The following CALN1 variants were observed in gnomAD, a reference collection of about 807,000 sequenced individuals.
CALN1 encodes the protein calcium-binding protein 8.
In CALN1, 17 loss-of-function variants were observed where a neutral mutation model predicts 30.6. The observed-to-expected ratio is 0.56, with a 90% CI of 0.38 to 0.83. The LOEUF (loss-of-function observed/expected upper bound fraction) is 0.83. CALN1 is among the 40% of genes least tolerant of loss of function. The pLI is 0.00. For missense variants in CALN1, 291 were observed against 354.9 expected, an observed-to-expected ratio of 0.82 and a Z score of 1.45; for synonymous variants, 156 against 131.4, an observed-to-expected ratio of 1.19 and a Z score of -1.28.
At chr7:72,128,356 C>G (rs931115453) in intron 3 of CALN1, among the ~76,000 whole-genome samples, 1 of 152,014 alleles carries the variant, frequency 6.6e-6, no homozygotes, top group Non-Finnish European at 1.5e-5. Context: ...CAAAAAATAA[C>G]GTGGGGACAA....
chr7:72,209,135 C>T (rs1194809844), intron 3 of CALN1, among the ~76,000 whole-genome samples: 1 of 139,638 alleles, frequency 7.2e-6, no homozygotes, highest in African/African-American at 2.8e-5. Flanking sequence ...CCTTCTCTCC[C>T]TCTTTCATTC....
intron 5 of CALN1, among the ~76,000 whole-genome samples, chr7:71,832,894 C>G (rs1789375430): frequency 6.6e-6 from 1 of 152,186 alleles, no homozygotes; most frequent in South Asian, 2.1e-4. Context: ...GCGTGAGCCG[C>G]CATGCTCGCC....
the CALN1 span, among the ~76,000 whole-genome samples, chr7:72,490,516 G>A: frequency 6.6e-6 from 1 of 152,128 alleles, no homozygotes; most frequent in African/African-American, 2.4e-5. Context: ...ACCTCAAAGT[G>A]TTTGATATGG....
At chr7:71,975,911 C>T (rs1422020771) in intron 5 of CALN1, among the ~76,000 whole-genome samples, 2 of 148,268 alleles carry the variant, frequency 1.3e-5, no homozygotes, top group African/African-American at 4.9e-5. Flanking sequence ...GTAATGGCAG[C>T]TTTTGCCATT....
chr7:72,117,317 T>C (rs1808055023), intron 3 of CALN1, among the ~76,000 whole-genome samples: 3 of 152,108 alleles, frequency 2.0e-5, no homozygotes, highest in Non-Finnish European at 4.4e-5. Flanking sequence ...TGAGTTAAAA[T>C]AAGGGGACTG....
chr7:71,936,663 C>G (rs534178795), intron 5 of CALN1, among the ~76,000 whole-genome samples: 318 of 152,280 alleles, frequency 2.1e-3, no homozygotes, highest in Non-Finnish European at 3.6e-3. Context: ...TCCCCAACCC[C>G]TGTTATCTAC....
Position 72,051,570 on chromosome 7 carries a change from G to C in CALN1, c.389-27801C>G, listed in dbSNP as rs902470073. Among the ~76,000 whole-genome samples the C allele has an allele frequency of 2.6e-5, 4 of 152,078 alleles. No homozygotes were observed. In the East Asian group the frequency reaches 7.7e-4, roughly 29 times the overall value. ...GTTATATTAACTGTTCCAGGATGAA[G>C]AAAAAGTGGAAAAGCTAATATAACT... is the stretch of plus-strand genomic sequence containing the variant. On this transcript the variant is annotated intron_variant, in intron 4 of 6. Coordinates refer to ENST00000395275, the MANE Select transcript of CALN1 (RefSeq NM_031468.4).
In CALN1 at chr7:72,052,789, C is replaced by T. The variant is rs189959894; in HGVS notation, c.389-29020G>A. ...AGGGTGACTCAATGAGCCTTTGAAGCACTTGGTTCCCACTGACTACAACTA... is the reference window on the plus strand; with the variant it reads ...AGGGTGACTCAATGAGCCTTTGAAGTACTTGGTTCCCACTGACTACAACTA... On this transcript the variant is annotated intron_variant, in intron 4 of 6. Transcript: ENST00000395275. Among the ~76,000 whole-genome samples the T allele has an allele frequency of 5.6e-3, 853 of 152,310 alleles. 3 individuals carry two copies. The highest frequency in any genetic ancestry group is 0.02 in the African/African-American group (811 of 41,570).
intron 4 of CALN1, among the ~76,000 whole-genome samples, chr7:72,044,599 C>CTTTTTTTTTTTTTTTTTTTTTTT (rs549079139): frequency 1.0e-5 from 1 of 96,684 alleles, no homozygotes; most frequent in African/African-American, 4.1e-5. Flanking sequence ...CCGCTTAAAA[C>CTTTTTTTTTTTTTTTTTTTTTTT]TTTTTTTTTT....
At chr7:71,820,366 T>C (rs1788518468) in intron 5 of CALN1, among the ~76,000 whole-genome samples, 1 of 152,306 alleles carries the variant, frequency 6.6e-6, no homozygotes, top group Non-Finnish European at 1.5e-5. Flanking sequence ...CTCCCTAGAA[T>C]GTACAAAACT....
chr7:72,266,606 G>T (rs543623792), intron 3 of CALN1, among the ~76,000 whole-genome samples: 2 of 152,078 alleles, frequency 1.3e-5, no homozygotes, highest in Admixed American at 6.6e-5. Context: ...CTTTGCAGTT[G>T]TGTTTTTTCT....
intron 4 of CALN1, among the ~76,000 whole-genome samples, chr7:72,067,861 G>C (rs2129537753): frequency 6.6e-6 from 1 of 152,300 alleles, no homozygotes; most frequent in South Asian, 2.1e-4. Flanking sequence ...ATACAGACCA[G>C]GAAGGAGTCA....
chr7:72,327,981 T>C (rs1387781509), intron 2 of CALN1, among the ~76,000 whole-genome samples: 1 of 152,050 alleles, frequency 6.6e-6, no homozygotes, highest in Non-Finnish European at 1.5e-5. Flanking sequence ...AATTTAGATG[T>C]ATGTATTTGA....
intron 3 of CALN1, among the ~76,000 whole-genome samples, chr7:72,238,610 GGA>G (rs869256702): frequency 1.9e-5 from 2 of 105,204 alleles, no homozygotes; most frequent in Non-Finnish European, 4.2e-5. Flanking sequence ...TGAATCACAG[GGA>G]GGGTTAGCTC....
At chr7:72,435,265 AAAGGG>A (rs1340119933) in intron 1 of CALN1, among the ~76,000 whole-genome samples, 1 of 151,462 alleles carries the variant, frequency 6.6e-6, no homozygotes, top group Non-Finnish European at 1.5e-5. Flanking sequence ...AAAAGAAAAG[AAAGGG>A]AAGGGAAGGG....
At chr7:72,289,934 C>T (rs1016474373) in intron 2 of CALN1, among the ~76,000 whole-genome samples, 32 of 151,402 alleles carry the variant, frequency 2.1e-4, no homozygotes, top group Admixed American at 1.3e-3. Flanking sequence ...AACAATTAGC[C>T]GGGCATAGTG....
In CALN1 at chr7:72,017,762, C is replaced by A. The variant is rs570174018; in HGVS notation, c.501+5895G>T. On this transcript the variant is annotated intron_variant, in intron 5 of 6. Transcript: ENST00000395275. ...AGAAAGTCTAAATTAGTGAAGTCTT[C>A]ATGAATAAGGTTTGATTGTGAATAA... Among the ~76,000 whole-genome samples, 11 of 152,240 alleles carry A rather than the reference C, an allele frequency of 7.2e-5. 1 individual carries two copies. The South Asian group carries it at 2.3e-3, about 32-fold the overall frequency.
At chr7:72,148,225 C>T in intron 3 of CALN1, among the ~76,000 whole-genome samples, 1 of 149,914 alleles carries the variant, frequency 6.7e-6, no homozygotes, top group Middle Eastern at 3.2e-3. Context: ...GGATTGGTGC[C>T]CATCCCACAG....
chr7:71,920,421 T>G (rs1198698180), intron 5 of CALN1, among the ~76,000 whole-genome samples: 1 of 148,326 alleles, frequency 6.7e-6, no homozygotes, highest in Non-Finnish European at 1.5e-5. Flanking sequence ...CTGCAAGCTC[T>G]GCCTCCCAGA....
Sources: allele counts gnomAD v4.1 joint callset (sites outside exome capture counted in the v4.1 genomes callset), GRCh38; gene constraint gnomAD v4.1.1; transcripts MANE v1.5; gene names NCBI Gene and HGNC (gene_info 2026-07-23, HGNC 2026-07-21).